AP3D1: variants seen among roughly 807,000 people sequenced by gnomAD.
The protein encoded by AP3D1 is adaptor related protein complex 3 subunit delta 1.
A neutral mutation model predicts 147.6 loss-of-function variants in AP3D1; 51 were observed. That is an observed-to-expected ratio of 0.35 (90% CI 0.28 to 0.44). AP3D1 has a LOEUF of 0.44. Ranked by LOEUF, AP3D1 falls within the 20% of genes least tolerant of loss-of-function variation. The probability of loss-of-function intolerance (pLI) is 1.00; values close to 1 mark genes in which losing one functional copy is unlikely to be tolerated. For synonymous variants in AP3D1, 760 were observed against 663.0 expected, an observed-to-expected ratio of 1.15 and a Z score of -2.25; for missense variants, 1,421 against 1,624.2, an observed-to-expected ratio of 0.87 and a Z score of 2.15.
intron 14 of AP3D1, 23 bp from the exon 15 acceptor site, chr19:2,118,855 G>A (rs1309896053): frequency 1.2e-6 from 2 of 1,602,088 alleles, no homozygotes; most frequent in East Asian, 2.2e-5. Flanking sequence ...AACACTGTGA[G>A]CCCCCAGGAT....
At chr19:2,103,184 G>A (rs1265452619) in intron 31 of AP3D1, among the ~76,000 whole-genome samples, 1 of 152,034 alleles carries the variant, frequency 6.6e-6, no homozygotes, top group South Asian at 2.1e-4. Flanking sequence ...GCAGCTGTAT[G>A]TGTTGTCCTT....
rs368546207 is a variant in AP3D1 at position 2,129,137 on chromosome 19, C to T, written c.759G>A (p.Pro253=). The change falls in exon 8 of 32, where the codon CCG becomes CCA. Residue 253 remains proline, a synonymous_variant. Transcript: ENST00000643116. The part of the protein sequence containing the change: ...KLFGALTPLE[P]RLGKKLIEPL... ...GCTCGATCAGCTTCTTGCCCAGCCGCGGTTCCAAAGGAGTAAGAGCACCGA... is the reference window on the plus strand; with the variant it reads ...GCTCGATCAGCTTCTTGCCCAGCCGTGGTTCCAAAGGAGTAAGAGCACCGA... The T allele has an allele frequency of 2.7e-5, 43 of 1,600,238 alleles. No homozygotes were observed. The highest frequency in any genetic ancestry group is 3.4e-5 in the Non-Finnish European group (40 of 1,174,476).
intron 1 of AP3D1, among the ~76,000 whole-genome samples, chr19:2,142,334 G>C (rs1229968741): frequency 1.3e-5 from 2 of 151,312 alleles, no homozygotes; most frequent in East Asian, 3.9e-4. Context: ...TACTTTTGTA[G>C]AGTTGGGGTC....
At chr19:2,138,519 ATGAC>A in intron 2 of AP3D1, 96 bp downstream of exon 2, 1 of 938,938 alleles carries the variant, frequency 1.1e-6, no homozygotes, top group Non-Finnish European at 1.7e-6. Context: ...GGTGGTACCA[ATGAC>A]TGACAGGTGG....
intron 8 of AP3D1, 50 bp from the exon 9 acceptor site, chr19:2,127,251 G>C: frequency 1.3e-6 from 2 of 1,596,508 alleles, no homozygotes; most frequent in Non-Finnish European, 1.7e-6. Flanking sequence ...GGCCTCGTCA[G>C]ATGCAGTGAC....
intron 31 of AP3D1, among the ~76,000 whole-genome samples, chr19:2,102,725 CAAAAAATAAATA>C (rs1482622919): frequency 2.6e-5 from 3 of 114,276 alleles, no homozygotes; most frequent in African/African-American, 1.0e-4. Flanking sequence ...GAGACTGTCT[CAAAAAATAAATA>C]AATAAATAAA....
chr19:2,127,083 C>A (rs917134165), intron 9 of AP3D1, 69 bp downstream of exon 9: 1 of 1,550,616 alleles, frequency 6.4e-7, no homozygotes, highest in South Asian at 1.1e-5. Flanking sequence ...CTGGCGCCCT[C>A]CTGTCCCCAC....
At chr19:2,153,582 A>G (rs1194963924), upstream of AP3D1, among the ~76,000 whole-genome samples, 1 of 150,818 alleles carries the variant, frequency 6.6e-6, no homozygotes. Context: ...AGGCTGAGGC[A>G]GGAGAATGGC....
intron 8 of AP3D1, among the ~76,000 whole-genome samples, chr19:2,128,310 G>A (rs1465360384): frequency 6.6e-6 from 1 of 151,836 alleles, no homozygotes; most frequent in African/African-American, 2.4e-5. Flanking sequence ...ACGTCTCTAA[G>A]CAGCATGGAG....
rs200756493 is a variant in AP3D1, at chr19:2,130,549, C to A, written c.463-12G>T. On this transcript the variant is annotated splice_polypyrimidine_tract_variant and intron_variant, in intron 5 of 31. Transcript: ENST00000643116. ...TTGGTGTGTGACATCTGCGGGGCAGCGGGCTTCAGCCTGCGCGGGCTTTCT... is the reference window on the plus strand; with the variant it reads ...TTGGTGTGTGACATCTGCGGGGCAGAGGGCTTCAGCCTGCGCGGGCTTTCT... 1 of 1,613,286 alleles carries A rather than the reference C, an allele frequency of 6.2e-7. No homozygotes were observed. The highest frequency in any genetic ancestry group is 1.7e-5 in the Admixed American group (1 of 59,990).
chr19:2,121,555 C>G (rs907950141), intron 12 of AP3D1, among the ~76,000 whole-genome samples, 179 bp downstream of exon 12: 1 of 152,250 alleles, frequency 6.6e-6, no homozygotes, highest in Non-Finnish European at 1.5e-5. Flanking sequence ...GCCCCCTCCA[C>G]ACAGGCCCTG....
Position 2,109,887 on chromosome 19 carries a change from G to A in AP3D1, c.3336C>T (p.Thr1112=), listed in dbSNP as rs2018218665. ...CTGGGCCCCACCTGTAGCAGGGAGT[G>A]GTGATCAAGTAGGAGCTGCAGCTGA... ...LHFSCSSYLI[T]TPCYSDAFAK... The change falls in exon 29 of 32, where the codon ACC becomes ACT. Residue 1112 remains threonine (T), a synonymous_variant. Transcript: ENST00000643116. The A allele has an allele frequency of 2.5e-6, 4 of 1,613,692 alleles. No homozygotes were observed. The South Asian group carries it at 4.4e-5, about 18-fold the overall frequency.
At chr19:2,117,025 A>G in intron 16 of AP3D1, 197 bp downstream of exon 16, 1 of 827,084 alleles carries the variant, frequency 1.2e-6, no homozygotes, top group Admixed American at 3.2e-5. Context: ...CGCAGGGAGC[A>G]TCCCCAGGCA....
chr19:2,139,816 A>G (rs1285025741), intron 1 of AP3D1, among the ~76,000 whole-genome samples: 1 of 152,030 alleles, frequency 6.6e-6, no homozygotes, highest in Non-Finnish European at 1.5e-5. Context: ...TGGCAAGCCC[A>G]CCCCATCACG....
intron 1 of AP3D1, among the ~76,000 whole-genome samples, chr19:2,145,611 C>G (rs930191465): frequency 6.6e-6 from 1 of 152,222 alleles, no homozygotes; most frequent in Non-Finnish European, 1.5e-5. Flanking sequence ...ACACCCAGGG[C>G]TGGCGTCGCC....
chr19:2,130,357 A>T (rs750236112), intron 6 of AP3D1, 51 bp downstream of exon 6: 2 of 1,610,594 alleles, frequency 1.2e-6, no homozygotes, highest in South Asian at 2.2e-5. Flanking sequence ...TTCCCAGGGC[A>T]CCGGCTGAGC....
At chr19:2,123,717 G>C (rs1034467025) in intron 10 of AP3D1, 113 bp downstream of exon 10, 1 of 1,327,318 alleles carries the variant, frequency 7.5e-7, no homozygotes, top group African/African-American at 1.5e-5. Flanking sequence ...CAAGCCGCAA[G>C]ATGGCGTGGG....
chr19:2,113,088 A>G, intron 23 of AP3D1, 121 bp from the exon 24 acceptor site: 1 of 707,172 alleles, frequency 1.4e-6, no homozygotes, highest in Non-Finnish European at 2.3e-6. Flanking sequence ...GAGAGGCCAC[A>G]GTGCCCTCCG....
At chr19:2,123,160 C>T (rs780732167) in intron 11 of AP3D1, among the ~76,000 whole-genome samples, 198 bp downstream of exon 11, 69 of 152,208 alleles carry the variant, frequency 4.5e-4, no homozygotes, top group Admixed American at 7.9e-4. Context: ...GTTTCCCAGC[C>T]ACCCCACGCA....
Sources: allele counts gnomAD v4.1 joint callset (sites outside exome capture counted in the v4.1 genomes callset), GRCh38; gene constraint gnomAD v4.1.1; transcripts MANE v1.5; gene names NCBI Gene and HGNC (gene_info 2026-07-23, HGNC 2026-07-21).